Variants in ROR1 observed in about 807,000 individuals in gnomAD.
ROR1 encodes the protein ROR family WNT receptor 1.
Under a neutral mutation model 78.8 loss-of-function variants are expected in ROR1, and 19 were observed. That is an observed-to-expected ratio of 0.24 (90% CI 0.17 to 0.35). ROR1 has a LOEUF of 0.35. Among genes scored for constraint, ROR1 ranks in the 10% least tolerant of loss-of-function variants. The pLI, the probability that ROR1 is intolerant of heterozygous loss-of-function variation, is 1.00. For synonymous variants in ROR1, 386 were observed against 433.6 expected (o/e 0.89, Z 1.36); for missense variants, 917 against 1,177.8 (o/e 0.78, Z 3.24).
chr1:64,079,337 G>C (rs1455463744), intron 4 of ROR1, among the ~76,000 whole-genome samples: 1 of 152,200 alleles, frequency 6.6e-6, no homozygotes, highest in East Asian at 1.9e-4. Context: ...TGCTTAATTA[G>C]ATGGCTTCTT....
intron 1 of ROR1, among the ~76,000 whole-genome samples, chr1:63,891,588 T>A (rs1278868246): frequency 3.3e-5 from 5 of 152,158 alleles, no homozygotes; most frequent in Non-Finnish European, 7.4e-5. Context: ...CTGTGAAGAT[T>A]TCCAGAAGAA....
rs562823089 is a variant in ROR1 at position 64,120,662 on chromosome 1, G to A, written c.483-16707G>A. On this transcript the variant is annotated intron_variant, in intron 4 of 8. Transcript: ENST00000371079. ...CCATGTAGGTCTAATGGTAACAATGGCACTGCAGCCTCCTTGACCCAGCAA... is the reference window on the plus strand; with the variant it reads ...CCATGTAGGTCTAATGGTAACAATGACACTGCAGCCTCCTTGACCCAGCAA... Among the ~76,000 whole-genome samples the A allele has an allele frequency of 3.3e-5, 5 of 152,232 alleles. No homozygotes were observed. The South Asian group carries it at 8.3e-4, about 25-fold the overall frequency.
At chr1:63,960,516 T>A (rs1646019448) in intron 1 of ROR1, among the ~76,000 whole-genome samples, 1 of 152,190 alleles carries the variant, frequency 6.6e-6, no homozygotes, top group Admixed American at 6.5e-5. Context: ...TCCTTGGCAC[T>A]AATCCTGTTT....
chr1:63,819,764 A>T (rs1297199760), intron 1 of ROR1, among the ~76,000 whole-genome samples: 1 of 152,226 alleles, frequency 6.6e-6, no homozygotes, highest in African/African-American at 2.4e-5. Context: ...CTCTTTGGTC[A>T]TTAAGTTTCA....
At chr1:63,896,187 T>C (rs1206989160) in intron 1 of ROR1, among the ~76,000 whole-genome samples, 1 of 152,214 alleles carries the variant, frequency 6.6e-6, no homozygotes, top group Non-Finnish European at 1.5e-5. Context: ...TCTATCAGAT[T>C]GTTAAAAAAT....
At chr1:64,059,152 TC>T (rs1258390059) in intron 4 of ROR1, among the ~76,000 whole-genome samples, 1 of 152,178 alleles carries the variant, frequency 6.6e-6, no homozygotes, top group Non-Finnish European at 1.5e-5. Context: ...TTAATGATAG[TC>T]CCTTTTTTAT....
intron 1 of ROR1, among the ~76,000 whole-genome samples, chr1:63,841,293 A>T (rs769717775): frequency 1.3e-5 from 2 of 152,138 alleles, no homozygotes; most frequent in Non-Finnish European, 2.9e-5. Context: ...ATGTGCCACC[A>T]CCCTGCTTTT....
chr1:63,878,356 T>C (rs1645301411), intron 1 of ROR1, among the ~76,000 whole-genome samples: 2 of 152,218 alleles, frequency 1.3e-5, no homozygotes, highest in Admixed American at 6.5e-5. Context: ...TCCTTGACGA[T>C]GAGGAACTGA....
At chr1:63,923,207 G>A (rs1412286182) in intron 1 of ROR1, among the ~76,000 whole-genome samples, 1 of 152,192 alleles carries the variant, frequency 6.6e-6, no homozygotes, top group East Asian at 1.9e-4. Context: ...TACCCACAGA[G>A]TGCTGGGTTC....
At chr1:64,132,492 G>A (rs937706723) in intron 4 of ROR1, among the ~76,000 whole-genome samples, 11 of 152,086 alleles carry the variant, frequency 7.2e-5, no homozygotes, top group African/African-American at 2.4e-4. Flanking sequence ...CGGCGTGGTG[G>A]CTCACACCTG....
intron 1 of ROR1, among the ~76,000 whole-genome samples, chr1:63,887,147 G>C (rs1484885623): frequency 6.6e-6 from 1 of 152,130 alleles, no homozygotes; most frequent in Non-Finnish European, 1.5e-5. Flanking sequence ...AGGGACAAAG[G>C]GGCGGTTGTC....
intron 1 of ROR1, among the ~76,000 whole-genome samples, chr1:63,782,543 G>GT (rs1218525000): frequency 2.2e-5 from 3 of 138,662 alleles, no homozygotes; most frequent in African/African-American, 9.3e-5. Context: ...GAGATTTTGA[G>GT]GTTTTTTTTT....
At chr1:63,898,799 C>T (rs1557550534) in intron 1 of ROR1, among the ~76,000 whole-genome samples, 1 of 151,950 alleles carries the variant, frequency 6.6e-6, no homozygotes, top group African/African-American at 2.4e-5. Context: ...TTTCCCCCTG[C>T]CTAGGAGGTC....
intron 1 of ROR1, among the ~76,000 whole-genome samples, chr1:63,862,145 C>G (rs992050397): frequency 6.6e-6 from 1 of 151,996 alleles, no homozygotes; most frequent in Non-Finnish European, 1.5e-5. Flanking sequence ...GTAATCCCAG[C>G]ACTTTGGGAG....
At chr1:64,040,981 G>A (rs987366332) in intron 2 of ROR1, among the ~76,000 whole-genome samples, 14 of 152,224 alleles carry the variant, frequency 9.2e-5, no homozygotes, top group African/African-American at 3.4e-4. Flanking sequence ...CACCTTTGGT[G>A]TGGGAAGGAG....
chr1:64,163,961 C>A (rs1650016062), intron 8 of ROR1, among the ~76,000 whole-genome samples: 1 of 152,190 alleles, frequency 6.6e-6, no homozygotes, highest in Admixed American at 6.5e-5. Context: ...GTTATTTAAT[C>A]CAGTGACCTT....
Position 64,177,553 on chromosome 1 carries a change from T to A in ROR1, c.1512T>A (p.Ala504=). The part of the protein sequence containing the change: ...LPGMDHAQLV[A]IKTLKDYNNP... ...GCATGGACCATGCTCAGCTGGTTGC[T>A]ATCAAGACCTTGAAAGACTATAACA... The change falls in exon 9 of 9, where the codon GCT becomes GCA. Residue 504 remains alanine, a synonymous_variant. Transcript: ENST00000371079. 1 of 1,614,180 alleles carries A rather than the reference T, an allele frequency of 6.2e-7. No individual in the cohort carries two copies. The highest frequency in any genetic ancestry group is 8.5e-7 in the Non-Finnish European group (1 of 1,180,036).
At chr1:63,881,522 A>G (rs554237735) in intron 1 of ROR1, among the ~76,000 whole-genome samples, 16 of 152,296 alleles carry the variant, frequency 1.1e-4, no homozygotes, top group South Asian at 8.3e-4. Context: ...CAGGTGGAGA[A>G]CATTCTTAAG....
intron 1 of ROR1, among the ~76,000 whole-genome samples, chr1:63,957,521 C>T (rs772938426): frequency 6.6e-6 from 1 of 152,172 alleles, no homozygotes; most frequent in Non-Finnish European, 1.5e-5. Context: ...TATTCTCCTC[C>T]TGCCCTCATT....
Sources: allele counts gnomAD v4.1 joint callset (sites outside exome capture counted in the v4.1 genomes callset), GRCh38; gene constraint gnomAD v4.1.1; transcripts MANE v1.5; gene names NCBI Gene and HGNC (gene_info 2026-07-23, HGNC 2026-07-21).